The following DPY19L3 variants were observed in gnomAD, a reference collection of about 807,000 sequenced individuals.
DPY19L3 encodes protein C-mannosyl-transferase DPY19L3.
In DPY19L3, 51 loss-of-function variants were observed where a neutral mutation model predicts 92.3. The ratio of observed to expected loss-of-function variants is 0.55; its 90% CI spans 0.44 to 0.70. The LOEUF (loss-of-function observed/expected upper bound fraction) is 0.70, where lower values mean the gene tolerates loss of function less well. DPY19L3 is among the 30% of genes least tolerant of loss of function. The pLI, the probability that DPY19L3 is intolerant of heterozygous loss-of-function variation, is 0.00. For missense variants in DPY19L3, 706 were observed against 855.9 expected, an observed-to-expected ratio of 0.82 and a Z score of 2.18; for synonymous variants, 309 against 315.2, an observed-to-expected ratio of 0.98 and a Z score of 0.21.
chr19:32,452,608 C>A (rs919353015), intron 8 of DPY19L3, among the ~76,000 whole-genome samples: 2 of 152,226 alleles, frequency 1.3e-5, no homozygotes, highest in Admixed American at 1.3e-4. Flanking sequence ...TATCATCCCT[C>A]TTTACTTCCC....
intron 16 of DPY19L3, among the ~76,000 whole-genome samples, chr19:32,474,523 A>C (rs935631603): frequency 1.6e-4 from 24 of 152,192 alleles, no homozygotes; most frequent in Non-Finnish European, 3.2e-4. Context: ...TAAATACGTG[A>C]TACACTAGGC....
chr19:32,422,879 G>C (rs1470786436), intron 3 of DPY19L3, among the ~76,000 whole-genome samples: 86 of 152,242 alleles, frequency 5.6e-4, no homozygotes, highest in Admixed American at 5.6e-3. Context: ...AGTCAACCTA[G>C]CATTCAGTTT....
rs758319559 is a variant in DPY19L3, at chr19:32,458,462, G to T, written c.1275G>T (p.Leu425=). Residue 425 remains leucine (L), a synonymous_variant, in exon 12 of 19, where the codon CTG becomes CTT. Transcript: ENST00000392250. ...TTTTTTATGCTTACATATTCGTTCT[G>T]TCCATCACAGTGATTGTAGCATTCG... is the stretch of plus-strand genomic sequence containing the variant. ...TLLFYAYIFV[L]SITVIVAFVV... 1.2e-6 allele frequency: 2 copies of T among 1,613,348 alleles called. No homozygotes were observed. The highest frequency in any genetic ancestry group is 2.7e-5 in the African/African-American group (2 of 74,928).
chr19:32,436,969 A>G (rs931692218), intron 5 of DPY19L3, among the ~76,000 whole-genome samples: 4 of 151,956 alleles, frequency 2.6e-5, no homozygotes, highest in African/African-American at 9.7e-5. Flanking sequence ...TTTCTAGAGT[A>G]AAGAGTGAAG....
intron 8 of DPY19L3, 115 bp downstream of exon 8, chr19:32,440,025 TCTG>T (rs1969273530): frequency 2.9e-6 from 4 of 1,389,614 alleles, no homozygotes; most frequent in African/African-American, 2.9e-5. Context: ...GTTTCTTAGA[TCTG>T]CTGTAAATTT....
intron 1 of DPY19L3, among the ~76,000 whole-genome samples, chr19:32,407,655 G>T (rs957027851): frequency 6.6e-6 from 1 of 152,210 alleles, no homozygotes; most frequent in Non-Finnish European, 1.5e-5. Flanking sequence ...GCAGTGGCTC[G>T]TTTGTGTTGC....
intron 9 of DPY19L3, 92 bp from the exon 10 acceptor site, chr19:32,454,847 A>G (rs1312348049): frequency 3.8e-6 from 3 of 784,796 alleles, no homozygotes; most frequent in East Asian, 5.6e-5. Flanking sequence ...TATATGAGCC[A>G]GTGTTTTTAA....
intron 3 of DPY19L3, among the ~76,000 whole-genome samples, chr19:32,426,995 T>C (rs1211818680): frequency 6.6e-6 from 1 of 152,092 alleles, no homozygotes; most frequent in African/African-American, 2.4e-5. Context: ...TGTTTCGTTG[T>C]TTGTTTGTTT....
chr19:32,464,790 A>G lies in DPY19L3; in HGVS notation c.1614+6A>G. On this transcript the variant is annotated splice_donor_region_variant and intron_variant, in intron 15 of 18. Coordinates refer to ENST00000392250, the MANE Select transcript of DPY19L3 (RefSeq NM_001172774.2). ...TGCTGTATCTATGCTATAAGGTAAG[A>G]CTGATTTTCCTCATTCTTGTCATTC... 4 of 1,510,108 alleles carry G rather than the reference A, an allele frequency of 2.6e-6. No homozygotes were observed. The highest frequency in any genetic ancestry group is 3.6e-6 in the Non-Finnish European group (4 of 1,113,728). 93.5% of individuals were successfully genotyped at this position (1,510,108 alleles called of 1,614,324 possible). A position where few individuals can be genotyped will look rare whatever the true frequency, so the allele number is the denominator to read the frequency against.
At chr19:32,426,142 A>G (rs1024447434) in intron 3 of DPY19L3, among the ~76,000 whole-genome samples, 4 of 152,154 alleles carry the variant, frequency 2.6e-5, no homozygotes, top group Non-Finnish European at 5.9e-5. Flanking sequence ...GGAGATGGCT[A>G]CTTCCCCTCA....
intron 16 of DPY19L3, among the ~76,000 whole-genome samples, chr19:32,469,992 A>G (rs1241147133): frequency 6.6e-6 from 1 of 152,206 alleles, no homozygotes; most frequent in Non-Finnish European, 1.5e-5. Flanking sequence ...CTTACTCACC[A>G]GTACAGGTCA....
chr19:32,435,775 C>G (rs1971197960), intron 4 of DPY19L3, among the ~76,000 whole-genome samples: 1 of 152,186 alleles, frequency 6.6e-6, no homozygotes, highest in Non-Finnish European at 1.5e-5. Context: ...TCCATTCATG[C>G]CTTGGATTAA....
intron 3 of DPY19L3, among the ~76,000 whole-genome samples, chr19:32,427,244 C>T (rs984861520): frequency 1.3e-5 from 2 of 152,182 alleles, no homozygotes; most frequent in Admixed American, 6.5e-5. Flanking sequence ...ATCCACCTAC[C>T]TCGGCCTTCT....
chr19:32,457,163 A>T lies in DPY19L3; in HGVS notation c.1090-937A>T, dbSNP rs148512281. 1.6e-4 allele frequency among the ~76,000 whole-genome samples: 25 copies of T among 152,342 alleles called. No individual in the cohort carries two copies. The East Asian group carries it at 4.8e-3, about 29-fold the overall frequency. On this transcript the variant is annotated intron_variant, in intron 10 of 18. Transcript: ENST00000392250. ...GGACCACCATTTTTTGACTCCCCGA[A>T]GAATAACATCTGTTGAATTGCATTT... is the stretch of plus-strand genomic sequence containing the variant.
At chr19:32,409,670 C>A (rs560949310) in intron 2 of DPY19L3, among the ~76,000 whole-genome samples, 2 of 152,258 alleles carry the variant, frequency 1.3e-5, no homozygotes, top group Admixed American at 1.3e-4. Context: ...AGCTTCCAGT[C>A]GTGGCAGAAG....
chr19:32,447,907 T>G (rs1223109517), intron 8 of DPY19L3, among the ~76,000 whole-genome samples: 1 of 152,080 alleles, frequency 6.6e-6, no homozygotes, highest in Non-Finnish European at 1.5e-5. Context: ...TCTCCATAAT[T>G]ACCTTGGAAC....
At position 32,416,629 on chromosome 19, in the gene DPY19L3, C is replaced by T. The variant is rs142567944; in HGVS notation, c.237+5257C>T. ...TATAGCAAAAGATTACAAATCAGAA[C>T]GAGCCAAAGGGAGTGACACATGCAG... On this transcript the variant is annotated intron_variant, in intron 3 of 18. Coordinates refer to ENST00000392250, the MANE Select transcript of DPY19L3 (RefSeq NM_001172774.2). 1.2e-4 allele frequency among the ~76,000 whole-genome samples: 19 copies of T among 152,290 alleles called. No homozygotes were observed. In the East Asian group the frequency reaches 2.7e-3, roughly 22 times the overall value.
chr19:32,425,907 CGA>C (rs1968745449), intron 3 of DPY19L3, among the ~76,000 whole-genome samples: 2 of 152,170 alleles, frequency 1.3e-5, no homozygotes, highest in African/African-American at 4.8e-5. Context: ...TAGCCCCTAA[CGA>C]GAGTCAGCCT....
Position 32,484,413 on chromosome 19 carries a change from G to C in DPY19L3, c.*2173G>C, listed in dbSNP as rs928386644. The C allele has an allele frequency of 6.6e-6, 1 of 152,196 alleles. No homozygotes were observed. The highest frequency in any genetic ancestry group is 1.5e-5 in the Non-Finnish European group (1 of 68,042). 9.4% of individuals were successfully genotyped at this position (152,196 alleles called of 1,614,324 possible). ...ATCTGACTTCTAGCTCTGGCTTACA[G>C]CCTCTCTACCAGGCCGAAGCAAGAG... On this transcript the variant is annotated 3_prime_UTR_variant, in exon 19 of 19. Transcript: ENST00000392250.
Sources: allele counts gnomAD v4.1 joint callset (sites outside exome capture counted in the v4.1 genomes callset), GRCh38; gene constraint gnomAD v4.1.1; transcripts MANE v1.5; gene names NCBI Gene and HGNC (gene_info 2026-07-23, HGNC 2026-07-21).